Variants in IPO11 observed in about 807,000 individuals in gnomAD.
IPO11 encodes the protein importin-11.
A neutral mutation model predicts 143.2 loss-of-function variants in IPO11; 66 were observed. That is an observed-to-expected ratio of 0.46 (90% CI 0.38 to 0.57). IPO11 has a LOEUF of 0.57. IPO11 is among the 20% of genes least tolerant of loss of function. The pLI is 0.00. For missense variants in IPO11, 1,026 were observed against 1,141.0 expected, an observed-to-expected ratio of 0.90 and a Z score of 1.45; for synonymous variants, 385 against 377.8, an observed-to-expected ratio of 1.02 and a Z score of -0.22.
At position 62,526,172 on chromosome 5, in the gene IPO11, C is replaced by G; in HGVS notation, c.1927C>G (p.Pro643Ala). The G allele has an allele frequency of 6.2e-7, 1 of 1,613,110 alleles. No individual in the cohort carries two copies. Among genetic ancestry groups the G allele is most frequent in the Non-Finnish European group, 8.5e-7 (1 of 1,179,314 alleles). The change falls in exon 21 of 30, where the codon CCT becomes GCT. Residue 643 changes from proline (P) to alanine (A), a missense_variant. Around this residue, in one of 5 missense-constraint regions of IPO11, gnomAD observed 237 missense variants for 288.0 expected, o/e 0.82. Transcript: ENST00000325324. ...GLGADSKNLY[P>A]FLLPVIQLST... ...AGGAGCAGACAGCAAGAACCTGTAC[C>G]CTTTCCTGCTCCCAGTTATTCAACT...
Position 62,451,909 on chromosome 5 carries a change from T to A in IPO11, c.492T>A (p.Ala164=). ...VTKTLASKRL[A]ADRKLFYDLA... ...AGACACTGGCATCTAAACGACTTGCTGCTGATAGAAAACTATTTTATGATG... is the reference window on the plus strand; with the variant it reads ...AGACACTGGCATCTAAACGACTTGCAGCTGATAGAAAACTATTTTATGATG... Residue 164 remains alanine (A), a synonymous_variant, in exon 5 of 30, where the codon GCT becomes GCA. Transcript: ENST00000325324. 6.2e-7 allele frequency: 1 copy of A among 1,613,648 alleles called. No individual in the cohort carries two copies. Among genetic ancestry groups the A allele is most frequent in the Non-Finnish European group, 8.5e-7 (1 of 1,179,500 alleles).
intron 7 of IPO11, among the ~76,000 whole-genome samples, chr5:62,473,566 A>C (rs1745856783): frequency 6.6e-6 from 1 of 152,186 alleles, no homozygotes; most frequent in South Asian, 2.1e-4. Context: ...TATATTTGAT[A>C]GAGAGGAATT....
At chr5:62,414,203 G>A (rs247251) in intron 1 of IPO11, among the ~76,000 whole-genome samples, 81,129 of 152,090 alleles carry the variant, frequency 0.53, 21,821 homozygotes, top group East Asian at 0.66. Flanking sequence ...TTTAGATTTT[G>A]TGATGTTTGA....
chr5:62,449,500 AT>A (rs963269744), intron 3 of IPO11, among the ~76,000 whole-genome samples: 8 of 150,234 alleles, frequency 5.3e-5, no homozygotes, highest in South Asian at 2.1e-4. Context: ...ACTTGTATAG[AT>A]TTTTTTTTAG....
chr5:62,501,311 A>G (rs1272202364), intron 16 of IPO11, among the ~76,000 whole-genome samples: 2 of 152,234 alleles, frequency 1.3e-5, no homozygotes, highest in Non-Finnish European at 2.9e-5. Flanking sequence ...GAACGATCCC[A>G]GAATGAATTC....
At chr5:62,490,603 C>T (rs1033104350) in intron 15 of IPO11, among the ~76,000 whole-genome samples, 2 of 151,860 alleles carry the variant, frequency 1.3e-5, no homozygotes, top group Non-Finnish European at 2.9e-5. Context: ...TCTGGGGAGA[C>T]GGTAGAGTAG....
rs113151647 is a variant in IPO11, at chr5:62,623,287, C to T, written c.2764-3867C>T. On this transcript the variant is annotated intron_variant, in intron 29 of 29. Coordinates refer to ENST00000325324, the MANE Select transcript of IPO11 (RefSeq NM_016338.5). Reference sequence around the variant, plus strand: ...ACCTAGTGTATTTATATGTCTCCTACCAAGTTTCATGGAAAGGAAGCCTGA... The same window carrying T: ...ACCTAGTGTATTTATATGTCTCCTATCAAGTTTCATGGAAAGGAAGCCTGA... 3.4e-3 allele frequency among the ~76,000 whole-genome samples: 515 copies of T among 152,166 alleles called. 2 individuals are homozygous for T. The highest frequency in any genetic ancestry group is 6.8e-3 in the Middle Eastern group (2 of 294).
At position 62,560,986 on chromosome 5, in the gene IPO11, A is replaced by G; in HGVS notation, c.2461-150A>G. The G allele has an allele frequency of 8.7e-6, 5 of 577,726 alleles. No homozygotes were observed. In the South Asian group the frequency reaches 1.6e-4, roughly 18 times the overall value. 35.8% of individuals were successfully genotyped at this position (577,726 alleles called of 1,614,324 possible). ...TGCTCAAATTATCCATTTCCAGCTCATGACTTAACCCCAGTTCAGGTATTC... is the reference window on the plus strand; with the variant it reads ...TGCTCAAATTATCCATTTCCAGCTCGTGACTTAACCCCAGTTCAGGTATTC... On this transcript the variant is annotated intron_variant, in intron 26 of 29. Coordinates refer to ENST00000325324, the MANE Select transcript of IPO11 (RefSeq NM_016338.5).
intron 15 of IPO11, among the ~76,000 whole-genome samples, chr5:62,493,150 T>C (rs912513885): frequency 6.6e-6 from 1 of 152,238 alleles, no homozygotes; most frequent in Non-Finnish European, 1.5e-5. Flanking sequence ...TTTGGTAATC[T>C]GAGTCACATT....
rs67290766 is a variant in IPO11, at chr5:62,415,464, C to CT, written c.-7+2556dup. 3.6e-3 allele frequency among the ~76,000 whole-genome samples: 362 copies of CT among 101,246 alleles called. 2 individuals are homozygous for CT. Among genetic ancestry groups the CT allele is most frequent in the Middle Eastern group, 6.2e-3 (1 of 162 alleles). The allele number at this position is 101,246 out of a possible 152,430, so 66.4% of individuals were successfully genotyped here. ...AGGAGTGAGCCCGGCCCCGTCTTTACTTTTTTTTTTTTTTTTTTTTTGAGA... is the reference window on the plus strand; with the variant it reads ...AGGAGTGAGCCCGGCCCCGTCTTTACTTTTTTTTTTTTTTTTTTTTTTGAGA... On this transcript the variant is annotated intron_variant, in intron 1 of 29. Transcript: ENST00000325324.
chr5:62,461,747 G>A (rs1475212875), intron 5 of IPO11, among the ~76,000 whole-genome samples: 1 of 152,136 alleles, frequency 6.6e-6, no homozygotes. Context: ...CATCTTATGT[G>A]CTTTTCGTAT....
chr5:62,547,080 G>C (rs1359430690), intron 24 of IPO11, among the ~76,000 whole-genome samples: 1 of 152,142 alleles, frequency 6.6e-6, no homozygotes, highest in Non-Finnish European at 1.5e-5. Flanking sequence ...TTACGATGTT[G>C]GTGGCACAGC....
intron 27 of IPO11, among the ~76,000 whole-genome samples, chr5:62,589,870 GCGGT>G (rs1288898546): frequency 6.6e-6 from 1 of 152,178 alleles, no homozygotes; most frequent in Non-Finnish European, 1.5e-5. Context: ...AAGCTGCATT[GCGGT>G]AGGCTGACGG....
intron 28 of IPO11, among the ~76,000 whole-genome samples, chr5:62,600,759 G>A (rs777409530): frequency 3.9e-5 from 6 of 152,144 alleles, no homozygotes; most frequent in South Asian, 2.1e-4. Context: ...AGTTCCTGCC[G>A]TTTTTCAGGA....
intron 29 of IPO11, among the ~76,000 whole-genome samples, chr5:62,612,092 T>C (rs1296296520): frequency 6.6e-6 from 1 of 152,200 alleles, no homozygotes; most frequent in Non-Finnish European, 1.5e-5. Context: ...AAATATTTTA[T>C]ATACATACAT....
At chr5:62,524,355 CA>C (rs1212677509) in intron 20 of IPO11, among the ~76,000 whole-genome samples, 1 of 152,052 alleles carries the variant, frequency 6.6e-6, no homozygotes, top group African/African-American at 2.4e-5. Context: ...TCTTTGAAAG[CA>C]GTGTGTTTAG....
intron 27 of IPO11, among the ~76,000 whole-genome samples, chr5:62,581,806 C>T (rs1201408643): frequency 6.6e-6 from 1 of 152,160 alleles, no homozygotes; most frequent in South Asian, 2.1e-4. Context: ...TATATGGTTA[C>T]TGCACAGTGC....
intron 27 of IPO11, among the ~76,000 whole-genome samples, chr5:62,586,205 A>C (rs955945601): frequency 6.6e-6 from 1 of 152,232 alleles, no homozygotes. Context: ...AAACGTGTTT[A>C]TATGAAGTTG....
At chr5:62,420,694 C>G (rs535220553) in intron 1 of IPO11, among the ~76,000 whole-genome samples, 156 of 151,976 alleles carry the variant, frequency 1.0e-3, no homozygotes, top group African/African-American at 3.6e-3. Context: ...ATTCTCCCAT[C>G]TCAGCCTCCT....
Sources: allele counts gnomAD v4.1 joint callset (sites outside exome capture counted in the v4.1 genomes callset), GRCh38; gene constraint gnomAD v4.1.1; regional missense constraint gnomAD v4.1.1; transcripts MANE v1.5; gene names NCBI Gene and HGNC (gene_info 2026-07-23, HGNC 2026-07-21).